PAN3: variants seen among roughly 807,000 people sequenced by gnomAD.
PAN3 encodes the protein poly(A) specific ribonuclease subunit PAN3, also known as PAN2-PAN3 deadenylation complex subunit PAN3.
A neutral mutation model predicts 96.2 loss-of-function variants in PAN3; 19 were observed. The observed-to-expected ratio is 0.20, with a 90% CI of 0.14 to 0.29. The LOEUF (loss-of-function observed/expected upper bound fraction) is 0.29. PAN3 is among the 10% of genes least tolerant of loss of function. The pLI is 1.00. For missense variants in PAN3, 882 were observed against 1,108.1 expected, an observed-to-expected ratio of 0.80 and a Z score of 2.90; for synonymous variants, 433 against 406.6, an observed-to-expected ratio of 1.06 and a Z score of -0.78.
intron 2 of PAN3, among the ~76,000 whole-genome samples, chr13:28,176,194 T>TTG (rs1874957849): frequency 6.6e-6 from 1 of 152,212 alleles, no homozygotes; most frequent in African/African-American, 2.4e-5. Context: ...AATTTATGTT[T>TTG]TACAGACAAG....
chr13:28,172,481 T>C (rs1320920104), intron 1 of PAN3, among the ~76,000 whole-genome samples: 2 of 152,090 alleles, frequency 1.3e-5, no homozygotes, highest in Non-Finnish European at 2.9e-5. Context: ...TAGTCTTTAT[T>C]ATCATTTTCT....
intron 4 of PAN3, among the ~76,000 whole-genome samples, chr13:28,193,941 G>A (rs558426231): frequency 2.2e-4 from 34 of 152,090 alleles, no homozygotes; most frequent in African/African-American, 8.0e-4. Flanking sequence ...TGGATCACCT[G>A]AGGTCAGGAG....
chr13:28,202,311 T>A (rs1365950893), intron 5 of PAN3, among the ~76,000 whole-genome samples: 1 of 152,218 alleles, frequency 6.6e-6, no homozygotes. Context: ...TCTCTAATTC[T>A]TACTTTTTTA....
At chr13:28,198,826 T>C (rs911310101) in intron 5 of PAN3, among the ~76,000 whole-genome samples, 1 of 152,104 alleles carries the variant, frequency 6.6e-6, no homozygotes, top group Non-Finnish European at 1.5e-5. Context: ...TCCAACCTTA[T>C]GTTATAAATA....
chr13:28,211,335 A>G (rs1341810188), intron 5 of PAN3, among the ~76,000 whole-genome samples: 1 of 152,190 alleles, frequency 6.6e-6, no homozygotes, highest in Non-Finnish European at 1.5e-5. Flanking sequence ...GCTGTTGCCT[A>G]GTCACTCCCA....
intron 4 of PAN3, among the ~76,000 whole-genome samples, chr13:28,185,836 A>G (rs1251170163): frequency 6.6e-6 from 1 of 152,186 alleles, no homozygotes; most frequent in Admixed American, 6.5e-5. Context: ...AGATCATTCT[A>G]AGGTTAGCTG....
At chr13:28,214,004 G>T (rs947383517) in intron 5 of PAN3, among the ~76,000 whole-genome samples, 2 of 151,970 alleles carry the variant, frequency 1.3e-5, no homozygotes, top group African/African-American at 2.4e-5. Context: ...GTACAGCTAG[G>T]CTGGAGTATC....
Position 28,197,228 on chromosome 13 carries a change from C to T in PAN3, c.734C>T (p.Pro245Leu), listed in dbSNP as rs754036440. 3.9e-5 allele frequency: 63 copies of T among 1,613,284 alleles called. No individual in the cohort carries two copies. The highest frequency in any genetic ancestry group is 2.7e-4 in the South Asian group (25 of 90,960). Residue 245 changes from proline (P) to leucine (L), a missense_variant, in exon 5 of 19, where the codon CCG (proline) becomes CTG (leucine). Coordinates refer to ENST00000380958, the MANE Select transcript of PAN3 (RefSeq NM_175854.8). ...RLGMLEERLV[P>L]MGSKARKAKN... Reference sequence around the variant, plus strand: ...GGGATGCTGGAGGAGAGGCTAGTTCCGATGGGATCAAAGGCACGAAAAGCA... The same window carrying T: ...GGGATGCTGGAGGAGAGGCTAGTTCTGATGGGATCAAAGGCACGAAAAGCA...
chr13:28,214,840 C>A (rs1211101555), intron 5 of PAN3: 2 of 676,766 alleles, frequency 3.0e-6, no homozygotes, highest in Admixed American at 2.0e-5. Flanking sequence ...ACATCTCAGG[C>A]TGACTGTGCT....
chr13:28,192,367 C>T lies in PAN3; in HGVS notation c.691-4818C>T, dbSNP rs567043243. 2.0e-5 allele frequency among the ~76,000 whole-genome samples: 3 copies of T among 152,280 alleles called. No individual in the cohort carries two copies. The East Asian group carries it at 5.8e-4, about 29-fold the overall frequency. On this transcript the variant is annotated intron_variant, in intron 4 of 18. Coordinates refer to ENST00000380958, the MANE Select transcript of PAN3 (RefSeq NM_175854.8). ...ATAGGCGTGAGCCACCGTGCCTGGC[C>T]AATACTTTTTAAAAATTGCATTCAA...
chr13:28,198,117 C>T (rs559583761), intron 5 of PAN3, among the ~76,000 whole-genome samples: 1 of 151,764 alleles, frequency 6.6e-6, no homozygotes, highest in Admixed American at 6.6e-5. Context: ...TACAAATATA[C>T]AGAAAAGAAA....
At position 28,199,975 on chromosome 13, in the gene PAN3, C is replaced by T. The variant is rs547296167; in HGVS notation, c.852+2629C>T. ...GCCAGGCACTGTGCTAAGCTCTTTA[C>T]GCGTATTGTCTTTTGGTATTGCTAA... is the stretch of plus-strand genomic sequence containing the variant. On this transcript the variant is annotated intron_variant, in intron 5 of 18. Coordinates refer to ENST00000380958, the MANE Select transcript of PAN3 (RefSeq NM_175854.8). 2.6e-5 allele frequency among the ~76,000 whole-genome samples: 4 copies of T among 152,166 alleles called. No individual in the cohort carries two copies. The East Asian group carries it at 5.8e-4, about 22-fold the overall frequency.
intron 14 of PAN3, among the ~76,000 whole-genome samples, chr13:28,274,626 A>G (rs1386569753): frequency 6.6e-6 from 1 of 152,268 alleles, no homozygotes; most frequent in Middle Eastern, 3.4e-3. Flanking sequence ...AGTTCAGACA[A>G]CCAACTTTAA....
chr13:28,239,077 G>A (rs913189541), intron 6 of PAN3, among the ~76,000 whole-genome samples: 1 of 151,466 alleles, frequency 6.6e-6, no homozygotes, highest in Non-Finnish European at 1.5e-5. Context: ...ATTATGTATG[G>A]CGTTAAGCAG....
intron 9 of PAN3, among the ~76,000 whole-genome samples, chr13:28,261,849 AAAG>A (rs143825498): frequency 0.12 from 18,534 of 148,750 alleles, 1,285 homozygotes; most frequent in East Asian, 0.31. Flanking sequence ...AAAAAAAAAA[AAAG>A]GACAGTCCCA....
At position 28,282,409 on chromosome 13, in the gene PAN3, C is replaced by T. The variant is rs45536043; in HGVS notation, c.2384+1030C>T. On this transcript the variant is annotated intron_variant, in intron 17 of 18. Transcript: ENST00000380958. ...CAAAGTCGAAAGACTCATTTAGTGT[C>T]TTCCCTAATAATTTTTCTAAGTGAA... is the stretch of plus-strand genomic sequence containing the variant. Among the ~76,000 whole-genome samples the T allele has an allele frequency of 6.9e-3, 1,038 of 151,428 alleles. 11 individuals carry two copies. The highest frequency in any genetic ancestry group is 0.024 in the African/African-American group (1,003 of 41,250).
intron 7 of PAN3, among the ~76,000 whole-genome samples, chr13:28,257,778 TTA>T (rs1346198330): frequency 1.4e-5 from 2 of 139,564 alleles, no homozygotes; most frequent in East Asian, 3.9e-4. Flanking sequence ...TATATATAAA[TTA>T]TATATAATAT....
intron 6 of PAN3, among the ~76,000 whole-genome samples, chr13:28,231,411 C>T (rs1297569491): frequency 6.6e-6 from 1 of 152,086 alleles, no homozygotes; most frequent in Non-Finnish European, 1.5e-5. Flanking sequence ...AGGTTAAATT[C>T]ATCATATAAA....
intron 4 of PAN3, among the ~76,000 whole-genome samples, chr13:28,179,707 CAA>C (rs749443652): frequency 1.1e-4 from 9 of 81,122 alleles, no homozygotes; most frequent in Admixed American, 4.1e-4. Context: ...CTGTCTCAGA[CAA>C]AAAAAAAAAA....
Sources: gnomAD v4.1 joint callset for allele counts (sites outside exome capture counted in the v4.1 genomes callset) on GRCh38, gnomAD v4.1.1 for gene constraint, MANE v1.5 for transcripts, NCBI Gene and HGNC (gene_info 2026-07-23, HGNC 2026-07-21) for gene names.